The following ERCC8 variants were observed in gnomAD, a reference collection of about 807,000 sequenced individuals.
The protein encoded by ERCC8 is ERCC excision repair 8, CSA ubiquitin ligase complex subunit.
In ERCC8, 52 loss-of-function variants were observed where a neutral mutation model predicts 54.9. That is an observed-to-expected ratio of 0.95 (90% CI 0.76 to 1.19). ERCC8 has a LOEUF of 1.19. Among genes scored for constraint, ERCC8 ranks in the 50% most tolerant of loss-of-function variants. The probability of loss-of-function intolerance (pLI) is 0.00; values close to 1 mark genes in which losing one functional copy is unlikely to be tolerated. For synonymous variants in ERCC8, 146 were observed against 157.2 expected (o/e 0.93, Z 0.53); for missense variants, 514 against 466.1 (o/e 1.10, Z -0.95).
chr5:60,933,603 G>T (rs1023849144), intron 1 of ERCC8, among the ~76,000 whole-genome samples: 2 of 151,704 alleles, frequency 1.3e-5, no homozygotes, highest in Non-Finnish European at 2.9e-5. Context: ...AATAGGTTTT[G>T]GGGGGAACAG....
At chr5:60,922,954 G>A (rs1243993083) in intron 2 of ERCC8, among the ~76,000 whole-genome samples, 3 of 152,128 alleles carry the variant, frequency 2.0e-5, no homozygotes, top group South Asian at 2.1e-4. Flanking sequence ...AAGCTGGTAT[G>A]TGAAGGATGA....
At chr5:60,892,430 A>G (rs1487029410) in intron 9 of ERCC8, 1 of 552,538 alleles carries the variant, frequency 1.8e-6, no homozygotes, top group Non-Finnish European at 3.6e-6. Flanking sequence ...CTTAATTCTC[A>G]GCACTGAGAT....
intron 11 of ERCC8, among the ~76,000 whole-genome samples, chr5:60,884,515 G>C (rs1257206987): frequency 8.4e-6 from 1 of 118,786 alleles, no homozygotes; most frequent in East Asian, 2.9e-4. Context: ...ATGTATATGT[G>C]TGTATGTGTT....
intron 1 of ERCC8, among the ~76,000 whole-genome samples, chr5:60,938,036 C>CAT (rs1491303429): frequency 6.7e-5 from 1 of 14,998 alleles, no homozygotes; most frequent in African/African-American, 1.6e-4. Context: ...TACATACATA[C>CAT]ATACATACAT....
intron 4 of ERCC8, among the ~76,000 whole-genome samples, chr5:60,909,269 A>AAAAAAAAAAAAAAAAAAAAAAC (rs1434863733): frequency 6.8e-6 from 1 of 146,194 alleles, no homozygotes; most frequent in African/African-American, 2.6e-5. Context: ...AAAAAAAAAA[A>AAAAAAAAAAAAAAAAAAAAAAC]AAAAAAAAAG....
At chr5:60,892,387 G>A (rs774860429) in intron 9 of ERCC8, 7 of 546,058 alleles carry the variant, frequency 1.3e-5, no homozygotes, top group Non-Finnish European at 2.2e-5. Flanking sequence ...TGACTTGCTC[G>A]GTATCCTCGA....
In ERCC8 at chr5:60,868,012, C is replaced by G. The variant is rs1447252983; in HGVS notation, c.*6603G>C. 6.6e-6 allele frequency among the ~76,000 whole-genome samples: 1 copy of G among 152,188 alleles called. No homozygotes were observed. Among genetic ancestry groups the G allele is most frequent in the Non-Finnish European group, 1.5e-5 (1 of 68,028 alleles). Reference sequence around the variant, plus strand: ...CCAGACCAACATGGAGAAACCCTGTCTCTACTAAAAATACAAAATAAGCCA... The same window carrying G: ...CCAGACCAACATGGAGAAACCCTGTGTCTACTAAAAATACAAAATAAGCCA... On this transcript the variant is annotated 3_prime_UTR_variant, in exon 12 of 12. Transcript: ENST00000676185.
At chr5:60,898,520 G>T in intron 8 of ERCC8, 120 bp from the exon 9 acceptor site, 14 of 1,063,476 alleles carry the variant, frequency 1.3e-5, no homozygotes, top group Non-Finnish European at 1.8e-5. Context: ...AATGTAAGTA[G>T]ATTATACTTA....
At chr5:60,941,543 T>A (rs898578119) in intron 1 of ERCC8, among the ~76,000 whole-genome samples, 62 of 152,296 alleles carry the variant, frequency 4.1e-4, no homozygotes, top group African/African-American at 1.4e-3. Flanking sequence ...CCCAAGTTTA[T>A]GGAAAGATAT....
Position 60,944,945 on chromosome 5 carries a change from C to T in ERCC8, c.64G>A (p.Glu22Lys). ...GGTTTTCTTTACCTCCGTGTTGACT[C>T]TGCTCTCCGAAGGCGAAGAGGGTCC... ...LEDPLRLRRA[E>K]STRRVLGLEL... Residue 22 changes from glutamate (E) to lysine (K), a missense_variant, in exon 1 of 12, where the codon GAG becomes AAG. Transcript: ENST00000676185. 3 of 1,613,942 alleles carry T rather than the reference C, an allele frequency of 1.9e-6. No homozygotes were observed. The highest frequency in any genetic ancestry group is 2.5e-6 in the Non-Finnish European group (3 of 1,179,824).
In ERCC8 at chr5:60,875,315, T is replaced by C. The variant is rs796917187; in HGVS notation, c.1123-632A>G. Among the ~76,000 whole-genome samples the C allele has an allele frequency of 4.6e-5, 7 of 152,270 alleles. 1 individual carries two copies. Among genetic ancestry groups the C allele is most frequent in the African/African-American group, 1.7e-4 (7 of 41,550 alleles). The stretch of plus-strand genomic sequence containing the variant: ...AGTTCAGTAAAACATGCAAAATACG[T>C]CAGAAATGGTAACACGTTTATAGTC... On this transcript the variant is annotated intron_variant, in intron 11 of 11. Coordinates refer to ENST00000676185, the MANE Select transcript of ERCC8 (RefSeq NM_000082.4).
chr5:60,888,157 A>G lies in ERCC8; in HGVS notation c.1042-637T>C, dbSNP rs1359037444. ...TATTGGCTTTTTTCCTCTGCTGTTT[A>G]ATACAATTTATTTTTATTATTGTAC... On this transcript the variant is annotated intron_variant, in intron 10 of 11. Coordinates refer to ENST00000676185, the MANE Select transcript of ERCC8 (RefSeq NM_000082.4). Among the ~76,000 whole-genome samples, 3 of 152,204 alleles carry G rather than the reference A, an allele frequency of 2.0e-5. No individual in the cohort carries two copies. The East Asian group carries it at 5.8e-4, about 29-fold the overall frequency.
At chr5:60,889,701 G>A (rs1748492842) in intron 10 of ERCC8, among the ~76,000 whole-genome samples, 5 of 152,178 alleles carry the variant, frequency 3.3e-5, no homozygotes, top group Admixed American at 3.3e-4. Flanking sequence ...TGAAATTTCG[G>A]CTGTGTCTCT....
intron 9 of ERCC8, among the ~76,000 whole-genome samples, chr5:60,893,933 C>G (rs956283247): frequency 6.6e-6 from 1 of 151,886 alleles, no homozygotes; most frequent in East Asian, 1.9e-4. Context: ...ACCCATTAAA[C>G]AGCAAAGATA....
At position 60,866,827 on chromosome 5, in the gene ERCC8, T is replaced by G. The variant is rs1178810296; in HGVS notation, c.*7788A>C. 6.6e-6 allele frequency: 1 copy of G among 152,170 alleles called. No individual in the cohort carries two copies. The highest frequency in any genetic ancestry group is 1.5e-5 in the Non-Finnish European group (1 of 68,030). The allele number at this position is 152,170 out of a possible 1,614,324, so 9.4% of individuals were successfully genotyped here. On this transcript the variant is annotated 3_prime_UTR_variant, in exon 12 of 12. Coordinates refer to ENST00000676185, the MANE Select transcript of ERCC8 (RefSeq NM_000082.4). Reference sequence around the variant, plus strand: ...GAGCAGGAATGAACCTTAATAATTTTCTATTCCAGTTTTCTGTCCCCTTCC... The same window carrying G: ...GAGCAGGAATGAACCTTAATAATTTGCTATTCCAGTTTTCTGTCCCCTTCC...
intron 11 of ERCC8, among the ~76,000 whole-genome samples, chr5:60,887,158 G>C (rs904962409): frequency 2.0e-5 from 3 of 152,104 alleles, no homozygotes; most frequent in African/African-American, 7.2e-5. Flanking sequence ...ATATTTTTCT[G>C]AATTTTCCAA....
At position 60,879,766 on chromosome 5, in the gene ERCC8, C is replaced by T. The variant is rs953613120; in HGVS notation, c.1123-5083G>A. Among the ~76,000 whole-genome samples the T allele has an allele frequency of 9.8e-4, 149 of 152,234 alleles. 1 individual carries two copies. Among genetic ancestry groups the T allele is most frequent in the South Asian group, 2.7e-3 (13 of 4,814 alleles). On this transcript the variant is annotated intron_variant, in intron 11 of 11. Coordinates refer to ENST00000676185, the MANE Select transcript of ERCC8 (RefSeq NM_000082.4). ...TTTTCAGCCTATGTGTGTCTCTCCA[C>T]GTGAGATGGGTTTCCTGAATACAGC...
intron 3 of ERCC8, among the ~76,000 whole-genome samples, chr5:60,918,924 T>C (rs1295625474): frequency 1.3e-5 from 2 of 152,002 alleles, no homozygotes; most frequent in African/African-American, 4.8e-5. Flanking sequence ...CATAAAAACA[T>C]AACATGTTGA....
rs57423118 is a variant in ERCC8, at chr5:60,870,482, TAAAAAAAAAAAAAAA to T, written c.*4118_*4132del. 2.5e-4 allele frequency among the ~76,000 whole-genome samples: 12 copies of T among 48,806 alleles called. No individual in the cohort carries two copies. The highest frequency in any genetic ancestry group is 2.8e-4 in the Admixed American group (1 of 3,606). The allele number at this position is 48,806 out of a possible 152,430, so 32.0% of individuals were successfully genotyped here. On this transcript the variant is annotated 3_prime_UTR_variant, in exon 12 of 12. Coordinates refer to ENST00000676185, the MANE Select transcript of ERCC8 (RefSeq NM_000082.4). ...CAACATGGTGAAACCCCACCTCTGC[TAAAAAAAAAAAAAAA>T]AAAAAAAAAAAAAAATTAGCCAGGC...
Sources: gnomAD v4.1 joint callset for allele counts (sites outside exome capture counted in the v4.1 genomes callset) on GRCh38, gnomAD v4.1.1 for gene constraint, MANE v1.5 for transcripts, NCBI Gene and HGNC (gene_info 2026-07-23, HGNC 2026-07-21) for gene names.